The following PDZRN4 variants were observed in gnomAD, a reference collection of about 807,000 sequenced individuals.
PDZRN4 encodes PDZ domain-containing RING finger protein 4.
A neutral mutation model predicts 99.0 loss-of-function variants in PDZRN4; 70 were observed. The observed-to-expected ratio is 0.71, with a 90% CI of 0.58 to 0.86. The LOEUF is 0.86. Ranked by LOEUF, PDZRN4 falls within the 40% of genes least tolerant of loss-of-function variation. The pLI is 0.00. For missense variants in PDZRN4, 1,474 were observed against 1,331.2 expected, an observed-to-expected ratio of 1.11 and a Z score of -1.67; for synonymous variants, 551 against 501.6, an observed-to-expected ratio of 1.10 and a Z score of -1.32.
intron 3 of PDZRN4, among the ~76,000 whole-genome samples, chr12:41,246,612 C>A (rs73268788): frequency 0.088 from 13,311 of 152,102 alleles, 761 homozygotes; most frequent in African/African-American, 0.17. Flanking sequence ...AAGTTCCTGG[C>A]ATTTTGGTGA....
intron 3 of PDZRN4, among the ~76,000 whole-genome samples, chr12:41,297,699 C>T (rs1172469013): frequency 1.3e-5 from 2 of 152,146 alleles, no homozygotes; most frequent in African/African-American, 2.4e-5. Context: ...TCTTTCCTTC[C>T]TCTTCCTTCT....
At chr12:41,500,829 T>A (rs573616000) in intron 3 of PDZRN4, among the ~76,000 whole-genome samples, 1 of 152,268 alleles carries the variant, frequency 6.6e-6, no homozygotes, top group South Asian at 2.1e-4. Context: ...GTTCAGATTA[T>A]CTGAAATTCC....
intron 5 of PDZRN4, among the ~76,000 whole-genome samples, chr12:41,542,264 A>G (rs896598447): frequency 6.6e-6 from 1 of 152,230 alleles, no homozygotes; most frequent in Non-Finnish European, 1.5e-5. Flanking sequence ...TGAAAGCAGC[A>G]CTATAGACAT....
chr12:41,216,497 T>G (rs1950921875), intron 3 of PDZRN4, among the ~76,000 whole-genome samples: 1 of 152,048 alleles, frequency 6.6e-6, no homozygotes, highest in African/African-American at 2.4e-5. Context: ...TAAAACAATT[T>G]TAGCTGTAAA....
At chr12:41,204,253 T>G (rs1950834249) in intron 3 of PDZRN4, among the ~76,000 whole-genome samples, 1 of 152,000 alleles carries the variant, frequency 6.6e-6, no homozygotes, top group African/African-American at 2.4e-5. Context: ...CCCCTATGTC[T>G]GTTAGGAAGT....
At chr12:41,568,779 C>T (rs551669895) in intron 9 of PDZRN4, among the ~76,000 whole-genome samples, 1 of 150,938 alleles carries the variant, frequency 6.6e-6, no homozygotes, top group South Asian at 2.1e-4. Flanking sequence ...GTTTAATTAT[C>T]TTCCTATTCT....
At chr12:41,411,563 G>T (rs1002094084) in intron 3 of PDZRN4, 1 of 152,162 alleles carries the variant, frequency 6.6e-6, no homozygotes, top group Non-Finnish European at 1.5e-5. Context: ...ATCAACAAAA[G>T]CACAGATATT....
chr12:41,549,212 C>A (rs1234250471), intron 5 of PDZRN4, among the ~76,000 whole-genome samples: 1 of 152,146 alleles, frequency 6.6e-6, no homozygotes, highest in Non-Finnish European at 1.5e-5. Flanking sequence ...TTTCATCAAA[C>A]AGCTTCCAAG....
At chr12:41,481,880 A>G (rs745907023) in intron 3 of PDZRN4, among the ~76,000 whole-genome samples, 2 of 152,164 alleles carry the variant, frequency 1.3e-5, no homozygotes, top group Non-Finnish European at 2.9e-5. Flanking sequence ...GTAAGCATTT[A>G]CTAGATGTTT....
At chr12:41,301,821 G>C (rs867070732) in intron 3 of PDZRN4, among the ~76,000 whole-genome samples, 1 of 151,996 alleles carries the variant, frequency 6.6e-6, no homozygotes, top group Non-Finnish European at 1.5e-5. Context: ...CACAATTCTA[G>C]ATTTGAGATC....
intron 3 of PDZRN4, among the ~76,000 whole-genome samples, chr12:41,488,405 A>G (rs1937817885): frequency 6.6e-6 from 1 of 152,218 alleles, no homozygotes; most frequent in South Asian, 2.1e-4. Flanking sequence ...ACAATATTAA[A>G]TAAGAGATAG....
At chr12:41,247,676 A>C (rs918507572) in intron 3 of PDZRN4, among the ~76,000 whole-genome samples, 1 of 152,180 alleles carries the variant, frequency 6.6e-6, no homozygotes, top group Admixed American at 6.5e-5. Context: ...AGAAGATAGA[A>C]TGTACCTTGA....
intron 3 of PDZRN4, among the ~76,000 whole-genome samples, chr12:41,405,921 G>A (rs1229617293): frequency 6.6e-6 from 1 of 151,472 alleles, no homozygotes; most frequent in African/African-American, 2.4e-5. Context: ...CATAAATGTT[G>A]GAACAATAGA....
intron 3 of PDZRN4, among the ~76,000 whole-genome samples, chr12:41,288,824 A>G (rs1357387499): frequency 6.6e-6 from 1 of 152,166 alleles, no homozygotes; most frequent in South Asian, 2.1e-4. Flanking sequence ...AATTATGTTT[A>G]TATAAACTTT....
intron 3 of PDZRN4, among the ~76,000 whole-genome samples, chr12:41,196,523 A>G (rs537179013): frequency 3.9e-5 from 6 of 152,270 alleles, no homozygotes; most frequent in Non-Finnish European, 7.4e-5. Flanking sequence ...TATTAGAAAT[A>G]AATTGCTCTT....
chr12:41,341,210 C>T (rs1443306914), intron 3 of PDZRN4, among the ~76,000 whole-genome samples: 3 of 151,272 alleles, frequency 2.0e-5, no homozygotes, highest in Non-Finnish European at 4.4e-5. Context: ...GAATATGCAT[C>T]TCAACACAAT....
At chr12:41,265,650 GA>G (rs1218885200) in intron 3 of PDZRN4, among the ~76,000 whole-genome samples, 3 of 152,290 alleles carry the variant, frequency 2.0e-5, no homozygotes, top group African/African-American at 7.2e-5. Flanking sequence ...GGCAGCTGCT[GA>G]CTGACCCAAG....
chr12:41,205,471 C>T (rs865992703), intron 3 of PDZRN4, among the ~76,000 whole-genome samples: 7 of 151,900 alleles, frequency 4.6e-5, no homozygotes, highest in Admixed American at 3.9e-4. Context: ...TCCACCCTCC[C>T]CTTAGCTCAC....
At chr12:41,291,093 C>A (rs1951454019) in intron 3 of PDZRN4, among the ~76,000 whole-genome samples, 1 of 151,980 alleles carries the variant, frequency 6.6e-6, no homozygotes, top group African/African-American at 2.4e-5. Context: ...TTATAAAACA[C>A]TTTCAAGATG....
Sources: gnomAD v4.1 joint callset for allele counts (sites outside exome capture counted in the v4.1 genomes callset) on GRCh38, gnomAD v4.1.1 for gene constraint, MANE v1.5 for transcripts, NCBI Gene and HGNC (gene_info 2026-07-23, HGNC 2026-07-21) for gene names.